The following TMEM45A variants were observed in gnomAD, a reference collection of about 807,000 sequenced individuals.
TMEM45A encodes the protein DNA polymerase-transactivated protein 4.
In TMEM45A, 25 loss-of-function variants were observed where a neutral mutation model predicts 32.0. The observed-to-expected ratio is 0.78, with a 90% CI of 0.57 to 1.09. The LOEUF (loss-of-function observed/expected upper bound fraction) is 1.09. Among genes scored for constraint, TMEM45A ranks in the 50% least tolerant of loss-of-function variants. TMEM45A has a pLI of 0.00. For synonymous variants in TMEM45A, 122 were observed against 114.8 expected, an observed-to-expected ratio of 1.06 and a Z score of -0.40; for missense variants, 302 against 325.0, an observed-to-expected ratio of 0.93 and a Z score of 0.54.
intron 1 of TMEM45A, among the ~76,000 whole-genome samples, chr3:100,504,948 C>T (rs1480399168): frequency 6.6e-6 from 1 of 152,142 alleles, no homozygotes; most frequent in Non-Finnish European, 1.5e-5. Flanking sequence ...AAGTCTCATA[C>T]CTGCTTTTTA....
intron 1 of TMEM45A, among the ~76,000 whole-genome samples, chr3:100,500,215 C>T (rs545476604): frequency 3.7e-4 from 56 of 152,232 alleles, no homozygotes; most frequent in South Asian, 3.1e-3. Context: ...TTAAAATATA[C>T]ATGGGACCAT....
At chr3:100,553,701 T>G (rs1441856059) in intron 1 of TMEM45A, among the ~76,000 whole-genome samples, 3 of 152,138 alleles carry the variant, frequency 2.0e-5, no homozygotes, top group Admixed American at 2.0e-4. Context: ...TTTTATTAAT[T>G]AAGATCCAAG....
At chr3:100,522,633 CT>C (rs1388984770) in intron 1 of TMEM45A, among the ~76,000 whole-genome samples, 1 of 152,180 alleles carries the variant, frequency 6.6e-6, no homozygotes, top group East Asian at 1.9e-4. Flanking sequence ...GGGCTCATTC[CT>C]AGGCAGTAGG....
At chr3:100,512,387 C>T (rs926774035) in intron 1 of TMEM45A, among the ~76,000 whole-genome samples, 17 of 152,154 alleles carry the variant, frequency 1.1e-4, no homozygotes, top group African/African-American at 2.9e-4. Context: ...GGGTACATAA[C>T]GAAATGAAGG....
intron 1 of TMEM45A, among the ~76,000 whole-genome samples, chr3:100,517,335 C>T (rs767513563): frequency 6.6e-5 from 10 of 152,266 alleles, no homozygotes; most frequent in Admixed American, 2.0e-4. Context: ...CCAGGCTGGT[C>T]TTGAACTCCC....
At chr3:100,551,980 G>A in intron 1 of TMEM45A, among the ~76,000 whole-genome samples, 1 of 152,136 alleles carries the variant, frequency 6.6e-6, no homozygotes, top group Non-Finnish European at 1.5e-5. Flanking sequence ...CTCAGCTTTG[G>A]GGGCAGCAGG....
At chr3:100,513,500 C>T (rs1037106626) in intron 1 of TMEM45A, among the ~76,000 whole-genome samples, 4 of 150,634 alleles carry the variant, frequency 2.7e-5, no homozygotes, top group African/African-American at 9.9e-5. Context: ...CTATCTATGA[C>T]AAACCCACAG....
intron 1 of TMEM45A, among the ~76,000 whole-genome samples, chr3:100,542,826 C>T (rs571417431): frequency 6.6e-6 from 1 of 152,152 alleles, no homozygotes; most frequent in South Asian, 2.1e-4. Flanking sequence ...TAAGTGGGAG[C>T]TAAACATTGG....
chr3:100,560,447 G>A (rs1706309886), intron 4 of TMEM45A, among the ~76,000 whole-genome samples: 1 of 152,076 alleles, frequency 6.6e-6, no homozygotes, highest in East Asian at 1.9e-4. Context: ...AATTTTGAAT[G>A]TTATTTCCAT....
Position 100,577,232 on chromosome 3 carries a change from A to C in TMEM45A, c.*214A>C. The C allele has an allele frequency of 2.3e-6, 1 of 444,418 alleles. No individual in the cohort carries two copies. The allele number at this position is 444,418 out of a possible 1,614,324, so 27.5% of individuals were successfully genotyped here. A position where few individuals can be genotyped will look rare whatever the true frequency, so the allele number is the denominator to read the frequency against. On this transcript the variant is annotated 3_prime_UTR_variant, in exon 6 of 6. Transcript: ENST00000323523. ...GATACTTTCATTTTGCACATCATGC[A>C]CATCATGGTATTCAGGGGCTAGAGT...
At chr3:100,528,832 G>A (rs1038064937) in intron 1 of TMEM45A, among the ~76,000 whole-genome samples, 1 of 152,238 alleles carries the variant, frequency 6.6e-6, no homozygotes, top group Non-Finnish European at 1.5e-5. Flanking sequence ...TATTCCAAAA[G>A]CATGCAGAAC....
chr3:100,522,535 C>G (rs1367289914), intron 1 of TMEM45A, among the ~76,000 whole-genome samples: 2 of 152,186 alleles, frequency 1.3e-5, no homozygotes, highest in Non-Finnish European at 2.9e-5. Flanking sequence ...TCCTAACTCT[C>G]TGGTGCTGGC....
intron 1 of TMEM45A, among the ~76,000 whole-genome samples, chr3:100,526,729 G>A (rs544180321): frequency 2.8e-4 from 42 of 152,160 alleles, no homozygotes; most frequent in African/African-American, 9.6e-4. Context: ...TTTCTCTTTC[G>A]AAATCCATTA....
chr3:100,512,523 G>A (rs1386098409), intron 1 of TMEM45A, among the ~76,000 whole-genome samples: 10 of 152,110 alleles, frequency 6.6e-5, no homozygotes, highest in African/African-American at 2.4e-4. Flanking sequence ...GAGAAAGGAG[G>A]AAAGATCCAA....
chr3:100,542,880 A>T (rs1705913618), intron 1 of TMEM45A, among the ~76,000 whole-genome samples: 1 of 152,076 alleles, frequency 6.6e-6, no homozygotes, highest in Admixed American at 6.6e-5. Flanking sequence ...ATTGGGGACC[A>T]CTAGAGGAGG....
chr3:100,500,583 C>T (rs1707996298), intron 1 of TMEM45A, among the ~76,000 whole-genome samples: 1 of 152,226 alleles, frequency 6.6e-6, no homozygotes, highest in Admixed American at 6.5e-5. Flanking sequence ...GCCAAGGACT[C>T]TCACATTCGT....
At chr3:100,575,399 G>A (rs988189990) in intron 5 of TMEM45A, among the ~76,000 whole-genome samples, 6 of 112,424 alleles carry the variant, frequency 5.3e-5, no homozygotes, top group African/African-American at 1.5e-4. Context: ...TTGAGATGGA[G>A]ACTTGCTCTG....
intron 1 of TMEM45A, among the ~76,000 whole-genome samples, chr3:100,518,711 T>C (rs1705350597): frequency 6.6e-6 from 1 of 152,132 alleles, no homozygotes; most frequent in East Asian, 1.9e-4. Flanking sequence ...CAGACTCAGG[T>C]GAGGGGTGCA....
intron 1 of TMEM45A, among the ~76,000 whole-genome samples, chr3:100,552,495 C>T (rs1387328873): frequency 1.3e-5 from 2 of 152,194 alleles, no homozygotes; most frequent in East Asian, 3.9e-4. Flanking sequence ...TGATAAATCT[C>T]AATTACCAAT....
Sources: gnomAD v4.1 joint callset for allele counts (sites outside exome capture counted in the v4.1 genomes callset) on GRCh38, gnomAD v4.1.1 for gene constraint, MANE v1.5 for transcripts, NCBI Gene and HGNC (gene_info 2026-07-23, HGNC 2026-07-21) for gene names.